Variants in GNB5 observed in about 807,000 individuals in gnomAD.
The protein encoded by GNB5 is G protein subunit beta 5.
In GNB5, 37 loss-of-function variants were observed where a neutral mutation model predicts 55.3. That is an observed-to-expected ratio of 0.67 (90% CI 0.51 to 0.88). The LOEUF (loss-of-function observed/expected upper bound fraction) is 0.88. Among genes scored for constraint, GNB5 ranks in the 40% least tolerant of loss-of-function variants. GNB5 has a pLI of 0.00. For missense variants in GNB5, 476 were observed against 515.3 expected, an observed-to-expected ratio of 0.92 and a Z score of 0.74; for synonymous variants, 219 against 198.5, an observed-to-expected ratio of 1.10 and a Z score of -0.87.
At chr15:52,157,618 T>C (rs1346445766) in intron 3 of GNB5, among the ~76,000 whole-genome samples, 3 of 152,126 alleles carry the variant, frequency 2.0e-5, no homozygotes, top group African/African-American at 7.2e-5. Context: ...ACTTAGAAAT[T>C]TTACATCAAT....
At chr15:52,137,780 G>A in intron 7 of GNB5, 2 of 1,230,542 alleles carry the variant, frequency 1.6e-6, no homozygotes, top group South Asian at 2.8e-5. Flanking sequence ...CAGAGCCCTG[G>A]AGCCAGCTGG....
At chr15:52,158,984 G>C (rs1274008238) in intron 3 of GNB5, among the ~76,000 whole-genome samples, 1 of 152,136 alleles carries the variant, frequency 6.6e-6, no homozygotes, top group Non-Finnish European at 1.5e-5. Context: ...GGGTCTTTTG[G>C]GGTGGTATCT....
intron 3 of GNB5, among the ~76,000 whole-genome samples, chr15:52,157,923 G>A (rs1309563049): frequency 6.6e-6 from 1 of 151,518 alleles, no homozygotes; most frequent in Non-Finnish European, 1.5e-5. Context: ...CTGGAAATGA[G>A]CTGAATATGT....
At chr15:52,164,544 C>T (rs894381848) in intron 3 of GNB5, among the ~76,000 whole-genome samples, 5 of 151,968 alleles carry the variant, frequency 3.3e-5, no homozygotes, top group Admixed American at 6.6e-5. Flanking sequence ...AGGAGAATGG[C>T]GTCAACCTGG....
At chr15:52,171,286 G>C (rs1015744524) in intron 3 of GNB5, among the ~76,000 whole-genome samples, 6 of 152,018 alleles carry the variant, frequency 3.9e-5, no homozygotes, top group African/African-American at 1.2e-4. Flanking sequence ...CCATTGTGCT[G>C]AATGTTAAAA....
chr15:52,140,052 G>C, intron 7 of GNB5: 3 of 972,462 alleles, frequency 3.1e-6, no homozygotes, highest in Non-Finnish European at 3.9e-6. Flanking sequence ...CAAGATTCCT[G>C]GTTAGGCTCA....
At chr15:52,128,343 G>A (rs1409501422) in intron 9 of GNB5, 99 bp from the exon 10 acceptor site, 4 of 786,072 alleles carry the variant, frequency 5.1e-6, no homozygotes, top group Non-Finnish European at 9.0e-6. Flanking sequence ...CTATTTCTAG[G>A]GACTCAAGGA....
chr15:52,150,575 C>T (rs558264893), intron 4 of GNB5, among the ~76,000 whole-genome samples: 7 of 152,222 alleles, frequency 4.6e-5, no homozygotes, highest in South Asian at 4.1e-4. Flanking sequence ...ATGCACCCAT[C>T]GTGGTGGGAA....
At position 52,118,326 on chromosome 15, in the gene GNB5, C is replaced by G. The variant is rs1220993487; in HGVS notation, c.*4431G>C. On this transcript the variant is annotated 3_prime_UTR_variant, in exon 13 of 13. Coordinates refer to ENST00000261837, the MANE Select transcript of GNB5 (RefSeq NM_016194.4). The stretch of plus-strand genomic sequence containing the variant: ...CCCTGAGACCCTTTCAGGGGGTCCT[C>G]ACGGTCAAAACTATTTTCATAATAA... 6.6e-6 allele frequency: 1 copy of G among 151,948 alleles called. No individual in the cohort carries two copies. Among genetic ancestry groups the G allele is most frequent in the African/African-American group, 2.4e-5 (1 of 41,354 alleles). The allele number at this position is 151,948 out of a possible 1,614,324, so 9.4% of individuals were successfully genotyped here.
In GNB5 at chr15:52,139,777, C is replaced by T. The variant is rs1020560073; in HGVS notation, c.627+1363G>A. Reference sequence around the variant, plus strand: ...AGCTGTGACTTCCCTTTATCTCCGGCTAAGCTGCTTGTTGGAAAAGAAAGC... The same window carrying T: ...AGCTGTGACTTCCCTTTATCTCCGGTTAAGCTGCTTGTTGGAAAAGAAAGC... On this transcript the variant is annotated intron_variant, in intron 7 of 12. Transcript: ENST00000261837. The T allele has an allele frequency of 9.8e-6, 12 of 1,222,856 alleles. No individual in the cohort carries two copies. The African/African-American group carries it at 1.9e-4, about 19-fold the overall frequency. 75.8% of individuals were successfully genotyped at this position (1,222,856 alleles called of 1,614,324 possible).
chr15:52,124,354 C>A (rs139426459), intron 12 of GNB5, 119 bp downstream of exon 12: 2 of 739,108 alleles, frequency 2.7e-6, no homozygotes, highest in Non-Finnish European at 4.5e-6. Context: ...AATGAGAGCT[C>A]GGCGAGGCTG....
chr15:52,168,836 C>A (rs1019734042), intron 3 of GNB5, among the ~76,000 whole-genome samples: 1 of 152,188 alleles, frequency 6.6e-6, no homozygotes, highest in Non-Finnish European at 1.5e-5. Context: ...ATCATCTGAT[C>A]TTTGATGAAC....
chr15:52,148,708 T>C (rs1217998536), intron 5 of GNB5, among the ~76,000 whole-genome samples: 1 of 152,188 alleles, frequency 6.6e-6, no homozygotes, highest in Non-Finnish European at 1.5e-5. Flanking sequence ...ATTACATGTG[T>C]TTTTGTGGGG....
intron 10 of GNB5, among the ~76,000 whole-genome samples, chr15:52,127,560 A>G (rs1417866274): frequency 1.3e-5 from 2 of 152,090 alleles, no homozygotes; most frequent in African/African-American, 4.8e-5. Flanking sequence ...GAAGTTTTAA[A>G]TTTTCATTAT....
intron 9 of GNB5, among the ~76,000 whole-genome samples, chr15:52,131,201 A>G (rs532764124): frequency 1.3e-5 from 2 of 152,344 alleles, no homozygotes; most frequent in South Asian, 4.1e-4. Flanking sequence ...AATCAACTGC[A>G]GATTAAAAAT....
At chr15:52,155,812 G>A (rs970626190) in intron 3 of GNB5, among the ~76,000 whole-genome samples, 1 of 152,160 alleles carries the variant, frequency 6.6e-6, no homozygotes, top group Non-Finnish European at 1.5e-5. Flanking sequence ...TGCTGGTGGG[G>A]TCACCGGGGA....
chr15:52,184,449 G>C, intron 2 of GNB5, 102 bp downstream of exon 2: 2 of 984,084 alleles, frequency 2.0e-6, no homozygotes, highest in Non-Finnish European at 3.1e-6. Flanking sequence ...ATACTGAAAA[G>C]TGTGTGTTAT....
chr15:52,167,449 C>T (rs944458196), intron 3 of GNB5, among the ~76,000 whole-genome samples: 4 of 152,154 alleles, frequency 2.6e-5, no homozygotes, highest in Admixed American at 2.0e-4. Context: ...GCGGGTGGAT[C>T]ACCTGAGGTC....
At chr15:52,172,284 C>T (rs954079119) in intron 3 of GNB5, among the ~76,000 whole-genome samples, 9 of 152,054 alleles carry the variant, frequency 5.9e-5, no homozygotes, top group African/African-American at 2.2e-4. Context: ...CAGGTACACA[C>T]CATCATGCCT....
Sources: allele counts gnomAD v4.1 joint callset (sites outside exome capture counted in the v4.1 genomes callset), GRCh38; gene constraint gnomAD v4.1.1; transcripts MANE v1.5; gene names NCBI Gene and HGNC (gene_info 2026-07-23, HGNC 2026-07-21).